The following CCDC14 variants were observed in gnomAD, a reference collection of about 807,000 sequenced individuals.
CCDC14 encodes the protein coiled-coil domain-containing protein 14.
In CCDC14, 71 loss-of-function variants were observed where a neutral mutation model predicts 81.4. That is an observed-to-expected ratio of 0.87 (90% CI 0.72 to 1.06). The LOEUF is 1.06. Ranked by LOEUF, CCDC14 falls within the 50% of genes least tolerant of loss-of-function variation. CCDC14 has a pLI of 0.00. For synonymous variants in CCDC14, 332 were observed against 364.8 expected, an observed-to-expected ratio of 0.91 and a Z score of 1.03; for missense variants, 1,046 against 1,047.3, an observed-to-expected ratio of 1.00 and a Z score of 0.02.
At position 123,931,175 on chromosome 3, in the gene CCDC14, T is replaced by C; in HGVS notation, c.1705A>G (p.Lys569Glu). ...GTTATCCCCAATATCTGGTTTTCCT[T>C]TTCAGCAGTTTCTAACTTAAACTGG... is the stretch of plus-strand genomic sequence containing the variant. Reference protein sequence around the residue: ...SSQFKLETAEKENQILGITLR... With the variant: ...SSQFKLETAEEENQILGITLR... Residue 569 changes from lysine (K) to glutamate (E), a missense_variant, in exon 12 of 13, where the codon AAG (lysine) becomes GAG (glutamate). Physicochemically the swap from Lys to Glu is moderately conservative, Grantham distance 56. Transcript: ENST00000409697. 6.2e-7 allele frequency: 1 copy of C among 1,613,054 alleles called. No homozygotes were observed. The highest frequency in any genetic ancestry group is 8.5e-7 in the Non-Finnish European group (1 of 1,179,676).
chr3:123,895,904 G>T (rs1324241935), downstream of CCDC14, among the ~76,000 whole-genome samples: 1 of 152,194 alleles, frequency 6.6e-6, no homozygotes, highest in Non-Finnish European at 1.5e-5. Flanking sequence ...TGATCCAGCA[G>T]TTCCACTTCT....
intron 5 of CCDC14, among the ~76,000 whole-genome samples, chr3:123,904,669 G>A (rs1395081917): frequency 6.7e-6 from 1 of 148,410 alleles, no homozygotes; most frequent in Non-Finnish European, 1.5e-5. Flanking sequence ...AAAGCTATAA[G>A]GTACTTAGGA....
chr3:123,938,636 A>G (rs1308736958), intron 9 of CCDC14, among the ~76,000 whole-genome samples: 1 of 151,968 alleles, frequency 6.6e-6, no homozygotes, highest in East Asian at 1.9e-4. Context: ...CACATTGTTA[A>G]ACAGAAATAA....
At chr3:123,913,191 T>C (rs2034486507), downstream of CCDC14, among the ~76,000 whole-genome samples, 1 of 152,184 alleles carries the variant, frequency 6.6e-6, no homozygotes, top group Non-Finnish European at 1.5e-5. Context: ...ATGTCTTTTA[T>C]CAAATACTAA....
intron 5 of CCDC14, chr3:123,952,672 C>T (rs2037087135): frequency 2.0e-6 from 1 of 510,146 alleles, no homozygotes. Context: ...ATAAGGAGGC[C>T]ACTCCCCAGA....
At chr3:123,904,242 A>G (rs1337636095) in intron 5 of CCDC14, among the ~76,000 whole-genome samples, 1 of 152,138 alleles carries the variant, frequency 6.6e-6, no homozygotes, top group African/African-American at 2.4e-5. Flanking sequence ...GAAAAGTTAC[A>G]TATGATCCCA....
chr3:123,933,805 A>C, intron 9 of CCDC14, 50 bp from the exon 10 acceptor site: 2 of 1,230,410 alleles, frequency 1.6e-6, no homozygotes. Context: ...AGCCAATTTA[A>C]TAGTATACAT....
chr3:123,895,075 G>T (rs1305438385), downstream of CCDC14, among the ~76,000 whole-genome samples: 1 of 152,146 alleles, frequency 6.6e-6, no homozygotes, highest in East Asian at 1.9e-4. Context: ...GTTTCCTTAG[G>T]CCTCTTGAAA....
intron 5 of CCDC14, among the ~76,000 whole-genome samples, chr3:123,901,251 A>G (rs914950938): frequency 6.6e-6 from 1 of 152,100 alleles, no homozygotes; most frequent in Non-Finnish European, 1.5e-5. Flanking sequence ...AAAAATAAAA[A>G]AAAAAAGAAG....
chr3:123,938,085 T>C (rs972372957), intron 9 of CCDC14, among the ~76,000 whole-genome samples: 12 of 151,884 alleles, frequency 7.9e-5, no homozygotes, highest in African/African-American at 2.9e-4. Context: ...AACTTGGTTT[T>C]CCTTTCTCAA....
At chr3:123,946,693 AAC>A in intron 8 of CCDC14, 108 bp downstream of exon 8, 1 of 1,114,596 alleles carries the variant, frequency 9.0e-7, no homozygotes. Context: ...ATTAGCTCAA[AAC>A]ACAGTTCTAT....
chr3:123,945,438 G>A (rs2148913818), intron 8 of CCDC14, among the ~76,000 whole-genome samples: 1 of 152,080 alleles, frequency 6.6e-6, no homozygotes, highest in African/African-American at 2.4e-5. Flanking sequence ...GGGTTAATAT[G>A]GCAAAATATT....
At chr3:123,934,012 C>T (rs2035903220) in intron 9 of CCDC14, among the ~76,000 whole-genome samples, 1 of 152,122 alleles carries the variant, frequency 6.6e-6, no homozygotes, top group Non-Finnish European at 1.5e-5. Context: ...GTGGCTCACG[C>T]CTGTAATCCC....
At chr3:123,936,668 C>G (rs1248751514) in intron 9 of CCDC14, among the ~76,000 whole-genome samples, 1 of 151,928 alleles carries the variant, frequency 6.6e-6, no homozygotes, top group Admixed American at 6.6e-5. Flanking sequence ...AAACAACAGA[C>G]ACTGGGGTCT....
intron 9 of CCDC14, among the ~76,000 whole-genome samples, chr3:123,940,668 CACTT>C (rs1233214784): frequency 6.6e-6 from 1 of 151,936 alleles, no homozygotes; most frequent in Non-Finnish European, 1.5e-5. Context: ...GTGAATATAC[CACTT>C]ACTTATATGC....
rs771723911 is a variant in CCDC14 at position 123,915,014 on chromosome 3, T to C, written c.2483A>G (p.Glu828Gly). The C allele has an allele frequency of 6.2e-7, 1 of 1,614,034 alleles. No individual in the cohort carries two copies. Among genetic ancestry groups the C allele is most frequent in the South Asian group, 1.1e-5 (1 of 91,068 alleles). ...TGATGGGCCATGACATGCAGTTTGT[T>C]CCTCTGGCTCCTTGGTGGCAGCAGG... is the stretch of plus-strand genomic sequence containing the variant. Reference protein sequence around the residue: ...KIPAATKEPEEQTACHGPSGC... With the variant: ...KIPAATKEPEGQTACHGPSGC... The change falls in exon 13 of 13, where the codon GAA becomes GGA. Residue 828 changes from glutamate (E) to glycine (G), a missense_variant. Transcript: ENST00000409697.
chr3:123,903,635 G>A lies in CCDC14; in HGVS notation c.668-6022C>T, dbSNP rs191719735. Among the ~76,000 whole-genome samples, 664 of 152,290 alleles carry A rather than the reference G, an allele frequency of 4.4e-3. 2 individuals are homozygous for A. Among genetic ancestry groups the A allele is most frequent in the Non-Finnish European group, 7.3e-3 (496 of 68,022 alleles). ...TCACAGCAATAGATTTGGTAGACTG[G>A]CCCACTCTCTGTTTAGTTAACCCCT... On this transcript the variant is annotated intron_variant, in intron 5 of 5. Transcript: ENST00000479903.
Position 123,961,204 on chromosome 3 carries a change from G to C in CCDC14, c.-31C>G, listed in dbSNP as rs1351475684. The C allele has an allele frequency of 6.4e-7, 1 of 1,551,508 alleles. No individual in the cohort carries two copies. Among genetic ancestry groups the C allele is most frequent in the Non-Finnish European group, 8.7e-7 (1 of 1,147,016 alleles). On this transcript the variant is annotated 5_prime_UTR_variant, in exon 1 of 13. Transcript: ENST00000409697. ...GCCGCCTCAGAGAAGCCCAGACCGA[G>C]GGAAGTGAAGCCTCACGGTAAAAAG...
chr3:123,905,515 T>C (rs915925406), intron 5 of CCDC14, among the ~76,000 whole-genome samples: 1 of 151,788 alleles, frequency 6.6e-6, no homozygotes, highest in Non-Finnish European at 1.5e-5. Context: ...CCCAATCCTA[T>C]GGGAGGAAGC....
Sources: allele counts gnomAD v4.1 joint callset (sites outside exome capture counted in the v4.1 genomes callset), GRCh38; gene constraint gnomAD v4.1.1; transcripts MANE v1.5; gene names NCBI Gene and HGNC (gene_info 2026-07-23, HGNC 2026-07-21).